AQP7: variants seen among roughly 807,000 people sequenced by gnomAD.
The protein encoded by AQP7 is aquaporin 7.
Under a neutral mutation model 26.1 loss-of-function variants are expected in AQP7, and 22 were observed. The observed-to-expected ratio is 0.84, with a 90% CI of 0.60 to 1.20. The LOEUF is 1.20. Among genes scored for constraint, AQP7 ranks in the 50% most tolerant of loss-of-function variants. AQP7 has a pLI of 0.00. For missense variants in AQP7, 412 were observed against 457.5 expected (o/e 0.90, Z 0.91); for synonymous variants, 167 against 181.7 (o/e 0.92, Z 0.65).
intron 5 of AQP7, 22 bp from the exon 6 acceptor site, chr9:33,386,217 T>C (rs771193242): frequency 9.3e-6 from 15 of 1,613,838 alleles, no homozygotes; most frequent in Middle Eastern, 1.7e-4. Context: ...CAGACTGTCA[T>C]GCGAACCTGC....
intron 2 of AQP7, among the ~76,000 whole-genome samples, chr9:33,399,972 G>A (rs1587156024): frequency 1.3e-5 from 2 of 152,134 alleles, no homozygotes; most frequent in Non-Finnish European, 1.5e-5. Context: ...GAGCAACTGA[G>A]GAGAAGGGGA....
intron 7 of AQP7, 170 bp downstream of exon 7, chr9:33,385,479 A>T: frequency 2.0e-6 from 2 of 988,992 alleles, no homozygotes; most frequent in Non-Finnish European, 3.0e-6. Context: ...CAGGTGCAGG[A>T]TCTGTATCTG....
chr9:33,388,006 C>T lies in AQP7; in HGVS notation c.145-914G>A, dbSNP rs11790323. 4.9e-4 allele frequency among the ~76,000 whole-genome samples: 74 copies of T among 152,088 alleles called. 2 individuals are homozygous for T. Among genetic ancestry groups the T allele is most frequent in the South Asian group, 8.3e-4 (4 of 4,816 alleles). On this transcript the variant is annotated intron_variant, in intron 3 of 7. Coordinates refer to ENST00000297988, the MANE Select transcript of AQP7 (RefSeq NM_001170.3). ...CACCCCCTCCTCAATCTGGCTTCCA[C>T]TTCCACATGTCACAGACACCAAAGC...
Position 33,401,269 on chromosome 9 carries a change from T to C in AQP7, c.-7A>G. 1 of 1,549,218 alleles carries C rather than the reference T, an allele frequency of 6.5e-7. No individual in the cohort carries two copies. The highest frequency in any genetic ancestry group is 8.7e-7 in the Non-Finnish European group (1 of 1,146,744). On this transcript the variant is annotated 5_prime_UTR_variant, in exon 2 of 8. Transcript: ENST00000297988. Reference sequence around the variant, plus strand: ...GCCCGGATGCTTGAACCATGTTTTGTCTTTCAGATTTGTAGATGCTGAGGA... The same window carrying C: ...GCCCGGATGCTTGAACCATGTTTTGCCTTTCAGATTTGTAGATGCTGAGGA...
chr9:33,390,673 G>C (rs1587115086), intron 3 of AQP7, among the ~76,000 whole-genome samples: 1 of 152,256 alleles, frequency 6.6e-6, no homozygotes, highest in African/African-American at 2.4e-5. Context: ...AGGAACAGAT[G>C]GGGGTGCAGG....
intron 3 of AQP7, among the ~76,000 whole-genome samples, chr9:33,392,754 G>T (rs1459410129): frequency 6.6e-6 from 1 of 152,180 alleles, no homozygotes; most frequent in Non-Finnish European, 1.5e-5. Flanking sequence ...CAAAGCAGGT[G>T]GGGAGGTAGG....
chr9:33,398,164 C>T (rs1271645489), intron 2 of AQP7, among the ~76,000 whole-genome samples: 1 of 151,416 alleles, frequency 6.6e-6, no homozygotes, highest in East Asian at 1.9e-4. Flanking sequence ...AAAGGAGCCT[C>T]CAGGGAGGCA....
intron 7 of AQP7, 22 bp from the exon 8 acceptor site, chr9:33,385,312 C>T (rs777485460): frequency 1.3e-6 from 2 of 1,598,324 alleles, no homozygotes; most frequent in South Asian, 2.2e-5. Flanking sequence ...AGGCAGAGGC[C>T]TGCTGAGGGG....
At chr9:33,401,999 G>A (rs1454042971) in intron 1 of AQP7, 3 of 152,350 alleles carry the variant, frequency 2.0e-5, no homozygotes, top group Non-Finnish European at 4.4e-5. Context: ...CAGCTGACCC[G>A]TCTCCTGCCT....
intron 2 of AQP7, among the ~76,000 whole-genome samples, chr9:33,399,457 G>T (rs1287594507): frequency 6.6e-6 from 1 of 151,856 alleles, no homozygotes; most frequent in African/African-American, 2.4e-5. Context: ...AATTAGCTGG[G>T]CATGGTGGCA....
intron 7 of AQP7, 99 bp downstream of exon 7, chr9:33,385,550 A>C (rs1210370529): frequency 6.9e-6 from 10 of 1,444,298 alleles, no homozygotes; most frequent in African/African-American, 1.4e-5. Flanking sequence ...GGGGCTCAGC[A>C]GGACCCTCCT....
In AQP7 at chr9:33,398,096, G is replaced by A. The variant is rs566326867; in HGVS notation, c.27-2901C>T. Reference sequence around the variant, plus strand: ...GGAGGAAGTGAATGGCCTAGAGGAGGGGGTAGGAGGCTCCCAGAGAAAGGG... The same window carrying A: ...GGAGGAAGTGAATGGCCTAGAGGAGAGGGTAGGAGGCTCCCAGAGAAAGGG... On this transcript the variant is annotated intron_variant, in intron 2 of 7. Coordinates refer to ENST00000297988, the MANE Select transcript of AQP7 (RefSeq NM_001170.3). Among the ~76,000 whole-genome samples the A allele has an allele frequency of 5.8e-3, 888 of 152,180 alleles. 9 individuals are homozygous for A. The highest frequency in any genetic ancestry group is 0.021 in the African/African-American group (854 of 41,504).
At chr9:33,395,275 G>A in intron 2 of AQP7, 80 bp from the exon 3 acceptor site, 1 of 1,207,284 alleles carries the variant, frequency 8.3e-7, no homozygotes, top group Non-Finnish European at 1.2e-6. Flanking sequence ...ACTCCCAGCT[G>A]AGTTAATAGG....
At chr9:33,388,374 C>T (rs1196436276) in intron 3 of AQP7, among the ~76,000 whole-genome samples, 1 of 152,184 alleles carries the variant, frequency 6.6e-6, no homozygotes, top group East Asian at 1.9e-4. Context: ...CCTCACCCAG[C>T]CTCCTCCTTG....
chr9:33,386,492 G>T lies in AQP7; in HGVS notation c.318C>A (p.Arg106=), dbSNP rs749326377. 1 of 1,612,404 alleles carries T rather than the reference G, an allele frequency of 6.2e-7. No homozygotes were observed. The stretch of plus-strand genomic sequence containing the variant: ...AGACCGGAAACTTCCTCCAGGGCAC[G>T]CGGCCCAGCGCACAGTTAGCAAAGG... ...AVTFANCALG[R]VPWRKFPVYV... Residue 106 remains arginine, a synonymous_variant, in exon 5 of 8, where the codon CGC becomes CGA. Coordinates refer to ENST00000297988, the MANE Select transcript of AQP7 (RefSeq NM_001170.3).
intron 3 of AQP7, 54 bp downstream of exon 3, chr9:33,395,024 G>T (rs781227239): frequency 1.4e-6 from 2 of 1,475,198 alleles, no homozygotes; most frequent in Non-Finnish European, 1.9e-6. Context: ...TGGGGAGGGG[G>T]TCATGGACGG....
At chr9:33,387,184 GC>G in intron 3 of AQP7, 92 bp from the exon 4 acceptor site, 1 of 1,409,186 alleles carries the variant, frequency 7.1e-7, no homozygotes, top group East Asian at 2.4e-5. Flanking sequence ...TCACCCCCAT[GC>G]CCTGGGCCTC....
chr9:33,399,790 G>T (rs1826117891), intron 2 of AQP7, among the ~76,000 whole-genome samples: 1 of 152,112 alleles, frequency 6.6e-6, no homozygotes, highest in Admixed American at 6.5e-5. Flanking sequence ...AGGCCTGAAG[G>T]GGGTTTTGAA....
intron 3 of AQP7, among the ~76,000 whole-genome samples, chr9:33,393,018 G>A (rs1390135155): frequency 1.3e-5 from 2 of 152,208 alleles, no homozygotes; most frequent in South Asian, 2.1e-4. Flanking sequence ...ACCTGAATTC[G>A]GGAGTTCGAA....
Sources: allele counts gnomAD v4.1 joint callset (sites outside exome capture counted in the v4.1 genomes callset), GRCh38; gene constraint gnomAD v4.1.1; transcripts MANE v1.5; gene names NCBI Gene and HGNC (gene_info 2026-07-23, HGNC 2026-07-21).